Variants in DLG5 observed in about 807,000 individuals in gnomAD.
DLG5 encodes the protein disks large homolog 5.
DLG5 carries 48 observed loss-of-function variants against 189.8 expected under a neutral mutation model. The observed-to-expected ratio is 0.25, with a 90% CI of 0.20 to 0.32. DLG5 has a LOEUF of 0.32. Among genes scored for constraint, DLG5 ranks in the 10% least tolerant of loss-of-function variants. The pLI, the probability that DLG5 is intolerant of heterozygous loss-of-function variation, is 1.00. For missense variants in DLG5, 2,160 were observed against 2,544.7 expected, an observed-to-expected ratio of 0.85 and a Z score of 3.25; for synonymous variants, 1,016 against 1,054.1, an observed-to-expected ratio of 0.96 and a Z score of 0.70.
intron 17 of DLG5, among the ~76,000 whole-genome samples, chr10:77,818,105 G>A (rs1047122751): frequency 6.6e-6 from 1 of 152,146 alleles, no homozygotes; most frequent in African/African-American, 2.4e-5. Context: ...CCACACACAT[G>A]GGGCGGTCAG....
intron 2 of DLG5, among the ~76,000 whole-genome samples, chr10:77,867,415 G>A (rs1444991099): frequency 6.6e-6 from 1 of 152,202 alleles, no homozygotes; most frequent in Non-Finnish European, 1.5e-5. Context: ...GGCTTACCCA[G>A]TCCACCTTAA....
intron 1 of DLG5, among the ~76,000 whole-genome samples, chr10:77,925,345 C>T (rs147060443): frequency 0.011 from 1,736 of 152,282 alleles, 11 homozygotes; most frequent in Non-Finnish European, 0.018. Flanking sequence ...CCCTCAGTGC[C>T]ATGTCTTCTT....
chr10:77,865,867 T>TCCGAGAC (rs1372951555), intron 2 of DLG5, among the ~76,000 whole-genome samples: 2 of 152,024 alleles, frequency 1.3e-5, no homozygotes, highest in African/African-American at 2.4e-5. Context: ...AGGCTGGAGA[T>TCCGAGAC]CCGAGACCCG....
At chr10:77,892,743 AT>A (rs1845647614) in intron 1 of DLG5, among the ~76,000 whole-genome samples, 1 of 152,238 alleles carries the variant, frequency 6.6e-6, no homozygotes, top group South Asian at 2.1e-4. Flanking sequence ...GAGACACCCA[AT>A]AAAGGATTGC....
intron 1 of DLG5, among the ~76,000 whole-genome samples, chr10:77,891,175 T>C (rs1191300399): frequency 6.6e-6 from 1 of 152,186 alleles, no homozygotes; most frequent in Non-Finnish European, 1.5e-5. Context: ...TTCTAGCTGA[T>C]GTCTACTAGG....
intron 1 of DLG5, among the ~76,000 whole-genome samples, chr10:77,890,216 G>A (rs1407762464): frequency 6.6e-6 from 1 of 152,206 alleles, no homozygotes; most frequent in Non-Finnish European, 1.5e-5. Flanking sequence ...GCTTCTCAAA[G>A]AGGGATGCCC....
At chr10:77,819,717 A>T in intron 16 of DLG5, 178 bp downstream of exon 16, 1 of 1,154,612 alleles carries the variant, frequency 8.7e-7, no homozygotes, top group Non-Finnish European at 1.2e-6. Flanking sequence ...TGACAAGCTA[A>T]GACATGTCAT....
At chr10:77,890,000 G>A (rs1845559220) in intron 1 of DLG5, among the ~76,000 whole-genome samples, 1 of 152,094 alleles carries the variant, frequency 6.6e-6, no homozygotes, top group Non-Finnish European at 1.5e-5. Context: ...ATCTACCCCA[G>A]CTGCTCTGAC....
chr10:77,874,509 C>T (rs1052961250), intron 1 of DLG5, among the ~76,000 whole-genome samples: 3 of 152,310 alleles, frequency 2.0e-5, no homozygotes, highest in South Asian at 2.1e-4. Flanking sequence ...ATGGGCCAGT[C>T]AAAATGCAGG....
chr10:77,867,137 G>A (rs937976363), intron 2 of DLG5: 6 of 452,416 alleles, frequency 1.3e-5, no homozygotes, highest in East Asian at 1.4e-4. Context: ...GGTGGGTCAC[G>A]GCCATGACGC....
intron 5 of DLG5, 93 bp downstream of exon 5, chr10:77,853,260 GC>G: frequency 8.2e-7 from 1 of 1,216,722 alleles, no homozygotes; most frequent in Non-Finnish European, 1.1e-6. Flanking sequence ...GAGCCAACGT[GC>G]CCGGCCCAGC....
At chr10:77,830,066 A>C in intron 11 of DLG5, 151 bp downstream of exon 11, 5 of 905,956 alleles carry the variant, frequency 5.5e-6, no homozygotes, top group Non-Finnish European at 8.3e-6. Context: ...TCGGAGCATT[A>C]TTAGCTGCTG....
chr10:77,870,981 G>T (rs140155095), intron 1 of DLG5, among the ~76,000 whole-genome samples: 1 of 152,300 alleles, frequency 6.6e-6, no homozygotes, highest in Non-Finnish European at 1.5e-5. Flanking sequence ...AGAGAAAAAA[G>T]AGAAAGCAAG....
chr10:77,934,572 C>T, the DLG5 span, among the ~76,000 whole-genome samples: 1 of 152,010 alleles, frequency 6.6e-6, no homozygotes, highest in Non-Finnish European at 1.5e-5. Context: ...ACTATTGGCT[C>T]TGAGATGGAG....
intron 2 of DLG5, among the ~76,000 whole-genome samples, chr10:77,863,009 A>G (rs1844531789): frequency 6.6e-6 from 1 of 152,196 alleles, no homozygotes; most frequent in African/African-American, 2.4e-5. Flanking sequence ...TTGCATGACT[A>G]TTTGTCAAAA....
intron 13 of DLG5, among the ~76,000 whole-genome samples, chr10:77,827,708 C>T (rs768838558): frequency 6.6e-6 from 1 of 152,126 alleles, no homozygotes; most frequent in African/African-American, 2.4e-5. Context: ...ACTTCTATGT[C>T]CATCAATAGG....
chr10:77,926,395 C>A lies in DLG5; in HGVS notation c.126G>T (p.Arg42=). ...AAGALSPGER[R]QLDEEAGGAK... ...CGCCTCCCGCCTCCTCGTCCAGCTG[C>A]CGCCGCTCGCCGGGACTGAGCGCTC... is the stretch of plus-strand genomic sequence containing the variant. Residue 42 remains arginine, a synonymous_variant, in exon 1 of 32, where the codon CGG becomes CGT. Coordinates refer to ENST00000372391, the MANE Select transcript of DLG5 (RefSeq NM_004747.4). The surrounding 1 kb of genome is among the most constrained non-coding windows in gnomAD (Gnocchi z 5.2). The A allele has an allele frequency of 6.3e-7, 1 of 1,589,430 alleles. No individual in the cohort carries two copies. Among genetic ancestry groups the A allele is most frequent in the South Asian group, 1.2e-5 (1 of 86,258 alleles).
At chr10:77,812,507 C>G in intron 20 of DLG5, 130 bp from the exon 21 acceptor site, 2 of 1,059,432 alleles carry the variant, frequency 1.9e-6, no homozygotes, top group South Asian at 3.2e-5. Context: ...CCCATTGTGA[C>G]ACAGCTACAT....
At chr10:77,868,224 G>C in intron 2 of DLG5, 1 of 413,702 alleles carries the variant, frequency 2.4e-6, no homozygotes, top group Non-Finnish European at 4.9e-6. Flanking sequence ...CTCGCCGGCT[G>C]GTCACTGTCT....
Sources: allele counts gnomAD v4.1 joint callset (sites outside exome capture counted in the v4.1 genomes callset), GRCh38; gene constraint gnomAD v4.1.1; non-coding constraint Gnocchi (gnomAD v3.1); transcripts MANE v1.5; gene names NCBI Gene and HGNC (gene_info 2026-07-23, HGNC 2026-07-21).